KIF16B: variants seen among roughly 807,000 people sequenced by gnomAD.
KIF16B encodes the protein kinesin family member 16B, also known as kinesin-like protein KIF16B.
KIF16B carries 98 observed loss-of-function variants against 156.3 expected under a neutral mutation model. That is an observed-to-expected ratio of 0.63 (90% CI 0.53 to 0.74). The LOEUF (loss-of-function observed/expected upper bound fraction) is 0.74, where lower values mean the gene tolerates loss of function less well. Ranked by LOEUF, KIF16B falls within the 30% of genes least tolerant of loss-of-function variation. KIF16B has a pLI of 0.00. For synonymous variants in KIF16B, 564 were observed against 583.7 expected (o/e 0.97, Z 0.49); for missense variants, 1,421 against 1,606.5 (o/e 0.88, Z 1.97).
intron 15 of KIF16B, among the ~76,000 whole-genome samples, chr20:16,413,614 T>C (rs546183261): frequency 2.4e-4 from 37 of 152,114 alleles, no homozygotes; most frequent in Non-Finnish European, 4.4e-4. Flanking sequence ...TGGTTCACAC[T>C]TTAGAGGCTG....
intron 17 of KIF16B, 106 bp downstream of exon 17, chr20:16,404,707 A>C (rs1315918046): frequency 2.6e-6 from 2 of 763,804 alleles, no homozygotes; most frequent in Admixed American, 2.2e-5. Context: ...TTTGATAAGG[A>C]GGCGCCGTTG....
At chr20:16,372,684 G>C (rs2064850652) in intron 20 of KIF16B, among the ~76,000 whole-genome samples, 1 of 152,162 alleles carries the variant, frequency 6.6e-6, no homozygotes, top group Non-Finnish European at 1.5e-5. Context: ...CAATTCTACA[G>C]GTACTGATTA....
intron 12 of KIF16B, among the ~76,000 whole-genome samples, chr20:16,453,470 T>C (rs2067137760): frequency 6.6e-6 from 1 of 152,040 alleles, no homozygotes; most frequent in Non-Finnish European, 1.5e-5. Context: ...TACAAACTTC[T>C]ACATGATTCA....
At chr20:16,410,049 T>A (rs28542509) in intron 15 of KIF16B, among the ~76,000 whole-genome samples, 5,968 of 30,054 alleles carry the variant, frequency 0.2, 815 homozygotes, top group East Asian at 0.49. Context: ...ATATATATGT[T>A]GGTACATATA....
chr20:16,297,562 G>C (rs539905980), intron 25 of KIF16B, among the ~76,000 whole-genome samples: 1 of 152,028 alleles, frequency 6.6e-6, no homozygotes, highest in African/African-American at 2.4e-5. Flanking sequence ...TGGGCGTGGT[G>C]GCGGGCACCT....
intron 17 of KIF16B, among the ~76,000 whole-genome samples, chr20:16,400,281 A>C (rs1253251284): frequency 6.6e-6 from 1 of 152,216 alleles, no homozygotes; most frequent in Non-Finnish European, 1.5e-5. Flanking sequence ...AAAATAGAAG[A>C]AGAAAATAAA....
chr20:16,492,810 G>C (rs932299821), intron 12 of KIF16B, among the ~76,000 whole-genome samples: 4 of 151,894 alleles, frequency 2.6e-5, no homozygotes, highest in Admixed American at 2.0e-4. Context: ...AATAGCTAAC[G>C]GTTTGATTTC....
rs933964420 is a variant in KIF16B at position 16,453,206 on chromosome 20, G to T, written c.1303-23224C>A. ...GATAACTTGAGCCTAGGAGCTCAAG[G>T]CTGCAGTGAGCTATGATCATACCAC... On this transcript the variant is annotated intron_variant, in intron 12 of 25. Coordinates refer to ENST00000354981, the MANE Select transcript of KIF16B (RefSeq NM_024704.5). 2.0e-5 allele frequency among the ~76,000 whole-genome samples: 3 copies of T among 152,030 alleles called. No homozygotes were observed. In the East Asian group the frequency reaches 5.8e-4, roughly 29 times the overall value.
chr20:16,458,894 G>A (rs2067277973), intron 12 of KIF16B, among the ~76,000 whole-genome samples: 1 of 152,058 alleles, frequency 6.6e-6, no homozygotes, highest in Non-Finnish European at 1.5e-5. Flanking sequence ...CTATATAAAT[G>A]GAAGGTATCC....
intron 22 of KIF16B, chr20:16,368,798 C>T (rs563513250): frequency 3.0e-6 from 3 of 985,792 alleles, no homozygotes; most frequent in Non-Finnish European, 3.6e-6. Flanking sequence ...CCTTGCCTGG[C>T]CTGCTTGCCT....
At chr20:16,283,866 G>A (rs6080201) in intron 25 of KIF16B, among the ~76,000 whole-genome samples, 41,288 of 151,888 alleles carry the variant, frequency 0.27, 5,666 homozygotes, top group East Asian at 0.37. Flanking sequence ...GCCAAATACG[G>A]CATTCTGTAA....
At chr20:16,296,512 C>G (rs929502739) in intron 25 of KIF16B, among the ~76,000 whole-genome samples, 1 of 152,188 alleles carries the variant, frequency 6.6e-6, no homozygotes, top group Admixed American at 6.5e-5. Flanking sequence ...TTCTGTGCTA[C>G]TTTCTTCTGA....
chr20:16,517,828 C>T (rs1262226725), intron 3 of KIF16B, among the ~76,000 whole-genome samples: 1 of 152,068 alleles, frequency 6.6e-6, no homozygotes, highest in Non-Finnish European at 1.5e-5. Context: ...TATGAATTCA[C>T]TAGTAAGGAA....
At chr20:16,286,924 A>C (rs1182061234) in intron 25 of KIF16B, among the ~76,000 whole-genome samples, 1 of 152,202 alleles carries the variant, frequency 6.6e-6, no homozygotes, top group South Asian at 2.1e-4. Flanking sequence ...GTGACTTGAG[A>C]GCCCCAGCTG....
At chr20:16,376,549 G>A (rs1335502125) in intron 19 of KIF16B, among the ~76,000 whole-genome samples, 1 of 152,204 alleles carries the variant, frequency 6.6e-6, no homozygotes, top group Non-Finnish European at 1.5e-5. Context: ...AGCTGCGGGG[G>A]TATCGCAGTC....
At chr20:16,321,044 A>T (rs772081756) in intron 24 of KIF16B, among the ~76,000 whole-genome samples, 15 of 152,134 alleles carry the variant, frequency 9.9e-5, no homozygotes, top group Non-Finnish European at 2.9e-5. Context: ...TACCATATCT[A>T]GAATAAACAC....
intron 25 of KIF16B, among the ~76,000 whole-genome samples, chr20:16,273,677 A>ATCAG (rs1012790291): frequency 1.3e-5 from 2 of 151,626 alleles, no homozygotes; most frequent in African/African-American, 2.4e-5. Flanking sequence ...CAATCAATCA[A>ATCAG]TCAATCAATC....
At chr20:16,418,619 A>G in intron 15 of KIF16B, among the ~76,000 whole-genome samples, 1 of 152,140 alleles carries the variant, frequency 6.6e-6, no homozygotes, top group East Asian at 1.9e-4. Flanking sequence ...GCCAATCTAC[A>G]GGGTGCACAG....
chr20:16,438,613 A>G (rs892278904), intron 12 of KIF16B, among the ~76,000 whole-genome samples: 1 of 152,122 alleles, frequency 6.6e-6, no homozygotes, highest in Non-Finnish European at 1.5e-5. Flanking sequence ...CCATCTAACA[A>G]AGGAGAAACA....
Sources: allele counts gnomAD v4.1 joint callset (sites outside exome capture counted in the v4.1 genomes callset), GRCh38; gene constraint gnomAD v4.1.1; transcripts MANE v1.5; gene names NCBI Gene and HGNC (gene_info 2026-07-23, HGNC 2026-07-21).